LHFPL5: variants seen among roughly 807,000 people sequenced by gnomAD.
LHFPL5 encodes LHFPL tetraspan subfamily member 5, also known as LHFPL tetraspan subfamily member 5 protein.
A neutral mutation model predicts 18.7 loss-of-function variants in LHFPL5; 12 were observed. The ratio of observed to expected loss-of-function variants is 0.64; its 90% CI spans 0.41 to 1.04. The LOEUF is 1.04. Among genes scored for constraint, LHFPL5 ranks in the 50% least tolerant of loss-of-function variants. LHFPL5 has a pLI of 0.00. For missense variants in LHFPL5, 259 were observed against 292.1 expected, an observed-to-expected ratio of 0.89 and a Z score of 0.83; for synonymous variants, 111 against 120.2, an observed-to-expected ratio of 0.92 and a Z score of 0.50.
intron 1 of LHFPL5, chr6:35,811,343 TAGTA>T (rs1768662161): frequency 6.6e-6 from 1 of 152,224 alleles, no homozygotes; most frequent in Non-Finnish European, 1.5e-5. Context: ...CAAGACATCA[TAGTA>T]AGCGTTTTCT....
In LHFPL5 at chr6:35,814,655, C is replaced by G; in HGVS notation, c.522C>G (p.Thr174=). ...QTGKYTLGHC[T]IRWAFMLAIL... Reference sequence around the variant, plus strand: ...GCAAGTACACGCTGGGCCACTGCACCATCCGCTGGGCCTTCATGCTGGCCA... The same window carrying G: ...GCAAGTACACGCTGGGCCACTGCACGATCCGCTGGGCCTTCATGCTGGCCA... Residue 174 remains threonine, a synonymous_variant, in exon 2 of 4, where the codon ACC becomes ACG. Coordinates refer to ENST00000360215, the MANE Select transcript of LHFPL5 (RefSeq NM_182548.4). This position sits in a 1 kb window ranked among gnomAD's most constrained non-coding sequence, Gnocchi z 4.2. The G allele has an allele frequency of 6.2e-7, 1 of 1,614,176 alleles. No homozygotes were observed. The highest frequency in any genetic ancestry group is 8.5e-7 in the Non-Finnish European group (1 of 1,180,036).
Position 35,823,473 on chromosome 6 carries a change from A to ACCCTCTCT in LHFPL5, c.*509_*510insCCTCTCTC, listed in dbSNP as rs554538772. The ACCCTCTCT allele has an allele frequency of 1.1e-5, 1 of 91,614 alleles. No individual in the cohort carries two copies. The highest frequency in any genetic ancestry group is 2.6e-5 in the Non-Finnish European group (1 of 38,042). 5.7% of individuals were successfully genotyped at this position (91,614 alleles called of 1,614,324 possible). ...TACACACACACACACACACACACAC[A>ACCCTCTCT]CACACTCTCTCTCTCTCTCAAACAC... On this transcript the variant is annotated 3_prime_UTR_variant, in exon 4 of 4. Transcript: ENST00000360215.
At chr6:35,818,348 TGTA>T (rs1416244609) in intron 2 of LHFPL5, among the ~76,000 whole-genome samples, 8 of 5,640 alleles carry the variant, frequency 1.4e-3, no homozygotes, top group African/African-American at 3.2e-3. Flanking sequence ...TATATATATA[TGTA>T]TTTTTTTTTT....
rs111934436 is a variant in LHFPL5 at position 35,806,123 on chromosome 6, G to A, written c.412+41G>A. 5,479 of 1,601,958 alleles carry A rather than the reference G, an allele frequency of 3.4e-3. 43 individuals are homozygous for A. Among genetic ancestry groups the A allele is most frequent in the African/African-American group, 0.032 (2,361 of 74,874 alleles). ...GGGAGGGCAGGCAGGGGCCCACCCC[G>A]GGGCCACAGCTGCAGCTGCACCATC... On this transcript the variant is annotated intron_variant, in intron 1 of 3. Transcript: ENST00000360215.
intron 1 of LHFPL5, among the ~76,000 whole-genome samples, chr6:35,813,406 G>A (rs1031067254): frequency 6.6e-6 from 1 of 151,376 alleles, no homozygotes; most frequent in African/African-American, 2.4e-5. Context: ...CATCATGCCC[G>A]GCTAATTTTT....
chr6:35,815,976 C>T (rs1293023701), intron 2 of LHFPL5, among the ~76,000 whole-genome samples: 1 of 152,124 alleles, frequency 6.6e-6, no homozygotes, highest in Non-Finnish European at 1.5e-5. Flanking sequence ...TCAAGACCAT[C>T]CTGGCCAACA....
chr6:35,819,639 C>A, intron 3 of LHFPL5, 176 bp downstream of exon 3: 2 of 666,474 alleles, frequency 3.0e-6, no homozygotes, highest in South Asian at 3.4e-5. Context: ...CCTCTGAGAC[C>A]CTCACTGGGG....
Position 35,818,429 on chromosome 6 carries a change from G to A in LHFPL5, c.650-1008G>A, listed in dbSNP as rs1223058384. Among the ~76,000 whole-genome samples, 4 of 140,522 alleles carry A rather than the reference G, an allele frequency of 2.8e-5. No homozygotes were observed. In the East Asian group the frequency reaches 8.2e-4, roughly 29 times the overall value. The allele number at this position is 140,522 out of a possible 152,430, so 92.2% of individuals were successfully genotyped here. On this transcript the variant is annotated intron_variant, in intron 2 of 3. Coordinates refer to ENST00000360215, the MANE Select transcript of LHFPL5 (RefSeq NM_182548.4). Reference sequence around the variant, plus strand: ...GCTGGAGTGCAGTGGCATGATCTCAGCTCACTGCAACCTTCACCTCCTGGG... The same window carrying A: ...GCTGGAGTGCAGTGGCATGATCTCAACTCACTGCAACCTTCACCTCCTGGG...
Position 35,814,884 on chromosome 6 carries a change from G to A in LHFPL5, c.649+102G>A. On this transcript the variant is annotated intron_variant, in intron 2 of 3. Transcript: ENST00000360215. The surrounding 1 kb of genome is among the most constrained non-coding windows in gnomAD (Gnocchi z 4.2). ...CTCTAAGGCTTGGTCCCTGGCCAAG[G>A]GATGGGGACACCAAGACTAATCAGA... The A allele has an allele frequency of 1.9e-6, 2 of 1,042,938 alleles. No homozygotes were observed. Among genetic ancestry groups the A allele is most frequent in the Non-Finnish European group, 3.0e-6 (2 of 664,796 alleles). The allele number at this position is 1,042,938 out of a possible 1,614,324, so 64.6% of individuals were successfully genotyped here.
intron 1 of LHFPL5, among the ~76,000 whole-genome samples, chr6:35,807,886 A>G (rs1010921413): frequency 6.6e-6 from 1 of 152,208 alleles, no homozygotes; most frequent in African/African-American, 2.4e-5. Context: ...TTTACATATA[A>G]TATCTGGAGG....
chr6:35,812,398 C>T (rs1768679627), intron 1 of LHFPL5, among the ~76,000 whole-genome samples: 2 of 152,154 alleles, frequency 1.3e-5, no homozygotes. Context: ...ATAAGGGGAG[C>T]ACCCCCTGCC....
At chr6:35,809,902 G>A (rs1242408078) in intron 1 of LHFPL5, among the ~76,000 whole-genome samples, 18 of 152,230 alleles carry the variant, frequency 1.2e-4, no homozygotes, top group Admixed American at 9.8e-4. Flanking sequence ...AATCCAGGCA[G>A]CCTGATCTAA....
chr6:35,808,583 ATATATATAT>A (rs1240388019), intron 1 of LHFPL5, among the ~76,000 whole-genome samples: 164 of 128,618 alleles, frequency 1.3e-3, no homozygotes, highest in Middle Eastern at 8.0e-3. Flanking sequence ...ATATATATAT[ATATATATAT>A]ATATATATAT....
intron 1 of LHFPL5, among the ~76,000 whole-genome samples, chr6:35,807,547 G>A (rs1383874470): frequency 1.3e-5 from 2 of 152,152 alleles, no homozygotes; most frequent in Non-Finnish European, 2.9e-5. Flanking sequence ...AAACTAGAGT[G>A]AAACCATCTC....
chr6:35,818,954 C>A (rs1768818740), intron 2 of LHFPL5, among the ~76,000 whole-genome samples: 1 of 152,180 alleles, frequency 6.6e-6, no homozygotes, highest in Non-Finnish European at 1.5e-5. Context: ...GCCTCAGCCT[C>A]CCAAACAGTT....
intron 1 of LHFPL5, among the ~76,000 whole-genome samples, chr6:35,809,175 G>A (rs573121652): frequency 6.6e-6 from 1 of 152,274 alleles, no homozygotes; most frequent in South Asian, 2.1e-4. Context: ...AGTTGTCCCA[G>A]CTCCTAGAAA....
chr6:35,819,367 G>C, intron 2 of LHFPL5, 70 bp from the exon 3 acceptor site: 1 of 1,386,162 alleles, frequency 7.2e-7, no homozygotes, highest in South Asian at 1.2e-5. Flanking sequence ...TGGAGATGGA[G>C]TAGTGTGCAG....
At chr6:35,815,807 T>C (rs1768748849) in intron 2 of LHFPL5, among the ~76,000 whole-genome samples, 1 of 152,122 alleles carries the variant, frequency 6.6e-6, no homozygotes, top group Non-Finnish European at 1.5e-5. Flanking sequence ...CACTGCTCCA[T>C]AAGGAAGTGA....
intron 2 of LHFPL5, among the ~76,000 whole-genome samples, chr6:35,816,846 CATTTATGGCCAATTT>C (rs991753829): frequency 1.4e-5 from 2 of 142,114 alleles, no homozygotes; most frequent in Admixed American, 7.0e-5. Flanking sequence ...TAAACCCAAA[CATTTATGGCCAATTT>C]ATTTTCAGCA....
Sources: allele counts gnomAD v4.1 joint callset (sites outside exome capture counted in the v4.1 genomes callset), GRCh38; gene constraint gnomAD v4.1.1; non-coding constraint Gnocchi (gnomAD v3.1); transcripts MANE v1.5; gene names NCBI Gene and HGNC (gene_info 2026-07-23, HGNC 2026-07-21).